TEAD1: variants seen among roughly 807,000 people sequenced by gnomAD.
TEAD1 encodes TEA domain transcription factor 1, also known as transcriptional enhancer factor TEF-1.
A neutral mutation model predicts 54.9 loss-of-function variants in TEAD1; 9 were observed. The ratio of observed to expected loss-of-function variants is 0.16; its 90% CI spans 0.10 to 0.29. TEAD1 has a LOEUF of 0.29. Ranked by LOEUF, TEAD1 falls within the 10% of genes least tolerant of loss-of-function variation. The probability of loss-of-function intolerance (pLI) is 1.00; values close to 1 mark genes in which losing one functional copy is unlikely to be tolerated. For synonymous variants in TEAD1, 200 were observed against 187.8 expected (o/e 1.07, Z -0.53); for missense variants, 387 against 535.9 (o/e 0.72, Z 2.74).
intron 9 of TEAD1, among the ~76,000 whole-genome samples, chr11:12,899,452 G>A (rs774584893): frequency 2.0e-5 from 3 of 151,950 alleles, no homozygotes; most frequent in Non-Finnish European, 1.5e-5. Flanking sequence ...CTTAGCAGCT[G>A]TGACTGTGTC....
chr11:12,800,240 T>C (rs1946025205), intron 3 of TEAD1, among the ~76,000 whole-genome samples: 1 of 152,122 alleles, frequency 6.6e-6, no homozygotes, highest in Admixed American at 6.5e-5. Flanking sequence ...AAATCAACAG[T>C]CACCAGTGCA....
rs2134183151 is a variant in TEAD1, at chr11:12,942,636, A to G, written c.*5414A>G. On this transcript the variant is annotated 3_prime_UTR_variant, in exon 13 of 13. Transcript: ENST00000527636. The stretch of plus-strand genomic sequence containing the variant: ...TGTGGAGACTTTCTTTTCCATTCAA[A>G]TGACAGTGCGCACTTATCTGGTTTA... 6.6e-6 allele frequency: 1 copy of G among 152,282 alleles called. No homozygotes were observed. Among genetic ancestry groups the G allele is most frequent in the South Asian group, 2.1e-4 (1 of 4,822 alleles). 9.4% of individuals were successfully genotyped at this position (152,282 alleles called of 1,614,324 possible).
At chr11:12,772,884 C>G (rs1413104470) in intron 3 of TEAD1, among the ~76,000 whole-genome samples, 1 of 152,142 alleles carries the variant, frequency 6.6e-6, no homozygotes, top group Non-Finnish European at 1.5e-5. Flanking sequence ...AGGTTCATGT[C>G]TCCACCGCCA....
intron 2 of TEAD1, among the ~76,000 whole-genome samples, chr11:12,713,571 T>C (rs1391143703): frequency 6.6e-6 from 1 of 152,186 alleles, no homozygotes; most frequent in Admixed American, 6.5e-5. Flanking sequence ...GTTCCCAAAC[T>C]TGAAAAAGTC....
At chr11:12,764,774 C>G (rs1041147957) in intron 3 of TEAD1, among the ~76,000 whole-genome samples, 2 of 151,284 alleles carry the variant, frequency 1.3e-5, no homozygotes, top group African/African-American at 4.9e-5. Flanking sequence ...GACCAGATCA[C>G]AAGGAAATAC....
chr11:12,795,535 C>T (rs1474549955), intron 3 of TEAD1, among the ~76,000 whole-genome samples: 1 of 152,166 alleles, frequency 6.6e-6, no homozygotes, highest in East Asian at 1.9e-4. Context: ...GAACTCAGGC[C>T]AGCCTGTCCA....
At position 12,899,313 on chromosome 11, in the gene TEAD1, C is replaced by T. The variant is rs1327843982; in HGVS notation, c.700-2627C>T. 3.0e-5 allele frequency among the ~76,000 whole-genome samples: 4 copies of T among 133,706 alleles called. No homozygotes were observed. The Admixed American group carries it at 3.0e-4, about 10-fold the overall frequency. The allele number at this position is 133,706 out of a possible 152,430, so 87.7% of individuals were successfully genotyped here. A position where few individuals can be genotyped will look rare whatever the true frequency, so the allele number is the denominator to read the frequency against. On this transcript the variant is annotated intron_variant, in intron 9 of 12. Coordinates refer to ENST00000527636, the MANE Select transcript of TEAD1 (RefSeq NM_021961.6). The stretch of plus-strand genomic sequence containing the variant: ...CCAGTTGTCTAGGTAATAAACAATG[C>T]CTTTTGCCCTGTACTCCCCATTCCA...
At chr11:12,813,411 G>GATC (rs1946347787) in intron 3 of TEAD1, among the ~76,000 whole-genome samples, 1 of 152,206 alleles carries the variant, frequency 6.6e-6, no homozygotes, top group African/African-American at 2.4e-5. Flanking sequence ...GAGCACTGTG[G>GATC]ATCATCTTCT....
intron 3 of TEAD1, among the ~76,000 whole-genome samples, chr11:12,858,670 A>T (rs1007603476): frequency 3.9e-5 from 6 of 152,232 alleles, no homozygotes; most frequent in Non-Finnish European, 8.8e-5. Flanking sequence ...TTGAAAAGTG[A>T]GCTTGCTCAT....
At chr11:12,880,507 C>CT (rs1397818516) in intron 6 of TEAD1, among the ~76,000 whole-genome samples, 1 of 152,210 alleles carries the variant, frequency 6.6e-6, no homozygotes, top group Non-Finnish European at 1.5e-5. Context: ...GTCATGCCCC[C>CT]TTTCCAGCCC....
At chr11:12,787,899 A>G (rs1945712278) in intron 3 of TEAD1, among the ~76,000 whole-genome samples, 1 of 152,108 alleles carries the variant, frequency 6.6e-6, no homozygotes, top group Non-Finnish European at 1.5e-5. Context: ...ATGAGTGGCA[A>G]ATATTTTCTA....
intron 3 of TEAD1, among the ~76,000 whole-genome samples, chr11:12,855,553 G>C (rs920868077): frequency 1.3e-5 from 2 of 151,950 alleles, no homozygotes; most frequent in Non-Finnish European, 2.9e-5. Flanking sequence ...CTCCCAAAGT[G>C]CTGGGATTAC....
chr11:12,815,855 C>T (rs1414872296), intron 3 of TEAD1, among the ~76,000 whole-genome samples: 1 of 152,194 alleles, frequency 6.6e-6, no homozygotes, highest in Non-Finnish European at 1.5e-5. Context: ...GGGTACAGAT[C>T]AATGAATTCT....
intron 4 of TEAD1, 111 bp downstream of exon 4, chr11:12,862,425 C>CGGAA (rs1947524831): frequency 4.5e-6 from 4 of 885,014 alleles, no homozygotes; most frequent in South Asian, 4.1e-5. Context: ...TTTGAGTTCC[C>CGGAA]TGTAAGGACG....
At chr11:12,755,826 C>T (rs1944973421) in intron 2 of TEAD1, among the ~76,000 whole-genome samples, 1 of 152,050 alleles carries the variant, frequency 6.6e-6, no homozygotes, top group Admixed American at 6.6e-5. Flanking sequence ...GGGTCTGTGG[C>T]CTTGTCCTTT....
chr11:12,936,974 G>GGACACAGAGTGAGGCTGAGCGA lies in TEAD1; in HGVS notation c.1168-115_1168-114insGAGACACAGAGTGAGGCTGAGC, dbSNP rs541377840. ...TGTAGTGTTCTGAATCTGTGTTAGA[G>GGACACAGAGTGAGGCTGAGCGA]GACACAGAGTGAGGCTGAGCAAATC... On this transcript the variant is annotated intron_variant, in intron 12 of 12. Coordinates refer to ENST00000527636, the MANE Select transcript of TEAD1 (RefSeq NM_021961.6). The GGACACAGAGTGAGGCTGAGCGA allele has an allele frequency of 3.3e-4, 216 of 655,214 alleles. No individual in the cohort carries two copies. In the East Asian group the frequency reaches 5.2e-3, roughly 16 times the overall value. 40.6% of individuals were successfully genotyped at this position (655,214 alleles called of 1,614,324 possible).
chr11:12,685,015 GTCCTGCTC>G (rs1443067401), intron 2 of TEAD1, among the ~76,000 whole-genome samples: 1 of 152,140 alleles, frequency 6.6e-6, no homozygotes. Flanking sequence ...GCTTAAGCTG[GTCCTGCTC>G]TGCTCACATT....
intron 3 of TEAD1, among the ~76,000 whole-genome samples, chr11:12,805,806 G>C (rs1307225946): frequency 1.3e-5 from 2 of 152,326 alleles, no homozygotes; most frequent in East Asian, 3.9e-4. Flanking sequence ...ACCTTCCAAA[G>C]AATTGATCTG....
At position 12,883,031 on chromosome 11, in the gene TEAD1, C is replaced by T; in HGVS notation, c.605C>T (p.Ser202Leu). 6.2e-7 allele frequency: 1 copy of T among 1,614,214 alleles called. No individual in the cohort carries two copies. Among genetic ancestry groups the T allele is most frequent in the Non-Finnish European group, 8.5e-7 (1 of 1,180,032 alleles). The change falls in exon 9 of 13, where the codon TCA becomes TTA. Residue 202 changes from serine (S) to leucine (L), a missense_variant. Transcript: ENST00000527636. ...GAGCCTGCATCGGCCCCAGCTCCCT[C>T]AGTCCCTGCCTGGCAAGGTCGCTCC...
Sources: gnomAD v4.1 joint callset for allele counts (sites outside exome capture counted in the v4.1 genomes callset) on GRCh38, gnomAD v4.1.1 for gene constraint, MANE v1.5 for transcripts, NCBI Gene and HGNC (gene_info 2026-07-23, HGNC 2026-07-21) for gene names.